The following CPM variants were observed in gnomAD, a reference collection of about 807,000 sequenced individuals.
The protein encoded by CPM is renal carboxypeptidase.
A neutral mutation model predicts 46.4 loss-of-function variants in CPM; 35 were observed. The ratio of observed to expected loss-of-function variants is 0.75; its 90% confidence interval spans 0.58 to 1.00. The LOEUF (loss-of-function observed/expected upper bound fraction) is 1.00, where lower values mean the gene tolerates loss of function less well. CPM is among the 50% of genes least tolerant of loss of function. The pLI is 0.00. For synonymous variants in CPM, 195 were observed against 195.3 expected, an observed-to-expected ratio of 1.00 and a Z score of 0.01; for missense variants, 422 against 530.4, an observed-to-expected ratio of 0.80 and a Z score of 2.01.
At chr12:68,918,605 T>A in intron 2 of CPM, among the ~76,000 whole-genome samples, 1 of 151,522 alleles carries the variant, frequency 6.6e-6, no homozygotes, top group East Asian at 1.9e-4. Context: ...TCCAATCCAA[T>A]CCAATCTAAT....
chr12:68,869,830 T>A (rs1172264300), intron 5 of CPM, among the ~76,000 whole-genome samples: 1 of 152,026 alleles, frequency 6.6e-6, no homozygotes, highest in Non-Finnish European at 1.5e-5. Flanking sequence ...TGGGTCCTCA[T>A]CCCACAGAGT....
rs1242756654 is a variant in CPM at position 68,856,452 on chromosome 12, G to T, written c.1317C>A (p.His439Gln). Reference protein sequence around the residue: ...SLFLFLVSLLHIFFK With the variant: ...SLFLFLVSLLQIFFK ...ACATTTTACTTTATTTGAAGAATAT[G>T]TGCAAAAGACTCACTAAAAATAAGA... Residue 439 changes from histidine (H) to glutamine (Q), a missense_variant, in exon 9 of 9, where the codon CAC becomes CAA. Physicochemically the swap from His to Gln is conservative, Grantham distance 24 (BLOSUM62 0). Coordinates refer to ENST00000551568, the MANE Select transcript of CPM (RefSeq NM_198320.5). The T allele has an allele frequency of 1.2e-6, 2 of 1,613,758 alleles. No homozygotes were observed. Among genetic ancestry groups the T allele is most frequent in the Non-Finnish European group, 1.7e-6 (2 of 1,179,888 alleles).
chr12:68,845,203 TATA>T, intron 5 of CPM: 2 of 217,588 alleles, frequency 9.2e-6, no homozygotes, highest in East Asian at 1.3e-4. Context: ...ATTTGATACT[TATA>T]AAAAGAAAAA....
upstream of CPM, chr12:68,933,330 G>T (rs1043623032): frequency 6.6e-6 from 1 of 151,954 alleles, no homozygotes; most frequent in Middle Eastern, 3.4e-3. Flanking sequence ...GCGCCCGCGC[G>T]GTGCGCCCTT....
chr12:68,843,293 A>G, intron 5 of CPM: 1 of 225,354 alleles, frequency 4.4e-6, no homozygotes, highest in East Asian at 6.3e-5. Context: ...TTGGCCATTT[A>G]TTGAGAGAGA....
chr12:68,942,325 G>A lies in CPM; in HGVS notation c.-3-9485C>T, dbSNP rs79171628. ...AGGATTTGTATACACATTTGTGTTC[G>A]TGATAAATTTCTGAATCCTAGAATT... On this transcript the variant is annotated intron_variant, in intron 1 of 8. Transcript: ENST00000546373. Among the ~76,000 whole-genome samples the A allele has an allele frequency of 9.2e-3, 1,393 of 152,172 alleles. 24 individuals are homozygous for A. The highest frequency in any genetic ancestry group is 0.031 in the African/African-American group (1,302 of 41,510).
intron 2 of CPM, among the ~76,000 whole-genome samples, chr12:68,896,530 CT>C (rs1379034370): frequency 2.0e-5 from 3 of 152,124 alleles, no homozygotes; most frequent in Non-Finnish European, 2.9e-5. Context: ...TCCGAGTCAC[CT>C]TTGGTCCGGG....
intron 2 of CPM, among the ~76,000 whole-genome samples, chr12:68,920,134 C>T (rs1887973753): frequency 1.3e-5 from 2 of 152,210 alleles, no homozygotes; most frequent in Admixed American, 6.5e-5. Flanking sequence ...TCACCTTCTG[C>T]CATGAGTAAA....
At chr12:68,869,880 CA>C (rs58083583) in intron 5 of CPM, among the ~76,000 whole-genome samples, 17,199 of 110,160 alleles carry the variant, frequency 0.16, 2,034 homozygotes, top group African/African-American at 0.34. Flanking sequence ...ATATGATTAG[CA>C]AAAAAAAAAG....
intron 1 of CPM, among the ~76,000 whole-genome samples, chr12:68,953,866 G>T (rs1592716139): frequency 2.6e-5 from 4 of 152,336 alleles, no homozygotes; most frequent in Admixed American, 2.6e-4. Context: ...CAAATGTTTT[G>T]CTAGTTGTGG....
At chr12:68,929,030 T>C (rs1421925784) in intron 2 of CPM, among the ~76,000 whole-genome samples, 3 of 151,940 alleles carry the variant, frequency 2.0e-5, no homozygotes. Flanking sequence ...TTAAAATAGA[T>C]GGTAGGAAAT....
At chr12:68,859,723 T>A (rs952339094) in intron 7 of CPM, among the ~76,000 whole-genome samples, 1 of 152,186 alleles carries the variant, frequency 6.6e-6, no homozygotes, top group African/African-American at 2.4e-5. Context: ...TCTGGCTTAT[T>A]AAAATAACCT....
chr12:68,863,307 C>T (rs574567277), intron 7 of CPM, among the ~76,000 whole-genome samples: 6 of 152,296 alleles, frequency 3.9e-5, no homozygotes, highest in Non-Finnish European at 7.4e-5. Flanking sequence ...AAAGACAGGG[C>T]CGCAGCAGGC....
At chr12:68,941,114 A>T (rs1203245112) in intron 1 of CPM, among the ~76,000 whole-genome samples, 1 of 151,272 alleles carries the variant, frequency 6.6e-6, no homozygotes, top group Non-Finnish European at 1.5e-5. Context: ...TTTCTGTTCC[A>T]TTGGTCAATT....
At chr12:68,942,892 T>C (rs1888786659) in intron 1 of CPM, among the ~76,000 whole-genome samples, 1 of 152,156 alleles carries the variant, frequency 6.6e-6, no homozygotes, top group Non-Finnish European at 1.5e-5. Context: ...GACACTCCAG[T>C]ATGCCCTAAC....
chr12:68,934,309 G>A (rs1304733373), upstream of CPM, among the ~76,000 whole-genome samples: 1 of 152,174 alleles, frequency 6.6e-6, no homozygotes, highest in African/African-American at 2.4e-5. Flanking sequence ...TTTTCTCGTG[G>A]AGGCCCAAGA....
chr12:68,919,935 T>TC (rs1319000337), intron 2 of CPM, among the ~76,000 whole-genome samples: 3 of 152,226 alleles, frequency 2.0e-5, no homozygotes, highest in Non-Finnish European at 2.9e-5. Flanking sequence ...TGAAATGTCA[T>TC]CCCCCATGTT....
At position 68,869,327 on chromosome 12, in the gene CPM, T is replaced by G; in HGVS notation, c.785A>C (p.Gln262Pro). 1 of 1,612,042 alleles carries G rather than the reference T, an allele frequency of 6.2e-7. No individual in the cohort carries two copies. The highest frequency in any genetic ancestry group is 1.1e-5 in the South Asian group (1 of 90,634). ...GGAAGAAATGAAGAGAAACTCACCTTGGAGTGGATACCAAGAGTATCCATT... is the reference window on the plus strand; with the variant it reads ...GGAAGAAATGAAGAGAAACTCACCTGGGAGTGGATACCAAGAGTATCCATT... ...VTNGYSWYPL[Q>P]GGMQDYNYIW... is the part of the protein sequence containing the mutation. The change falls in exon 6 of 9, where the codon CAA becomes CCA. Residue 262 changes from glutamine to proline, a missense_variant and splice_region_variant. Coordinates refer to ENST00000551568, the MANE Select transcript of CPM (RefSeq NM_198320.5).
At chr12:68,891,580 T>A (rs1021131621) in intron 2 of CPM, among the ~76,000 whole-genome samples, 6 of 152,208 alleles carry the variant, frequency 3.9e-5, no homozygotes, top group African/African-American at 1.4e-4. Flanking sequence ...GGAAACTTCA[T>A]AAGGCAGAGG....
Sources: allele counts gnomAD v4.1 joint callset (sites outside exome capture counted in the v4.1 genomes callset), GRCh38; gene constraint gnomAD v4.1.1; transcripts MANE v1.5; gene names NCBI Gene and HGNC (gene_info 2026-07-23, HGNC 2026-07-21).